The following AGBL4 variants were observed in gnomAD, a reference collection of about 807,000 sequenced individuals.
AGBL4 encodes the protein cytosolic carboxypeptidase 6.
In AGBL4, 58 loss-of-function variants were observed where a neutral mutation model predicts 66.4. The ratio of observed to expected loss-of-function variants is 0.87; its 90% CI spans 0.71 to 1.09. The LOEUF is 1.09. Ranked by LOEUF, AGBL4 falls within the 50% of genes least tolerant of loss-of-function variation. The pLI is 0.00. For missense variants in AGBL4, 579 were observed against 631.0 expected, an observed-to-expected ratio of 0.92 and a Z score of 0.88; for synonymous variants, 234 against 222.9, an observed-to-expected ratio of 1.05 and a Z score of -0.44.
chr1:49,754,809 G>A (rs541245397), intron 2 of AGBL4, among the ~76,000 whole-genome samples: 50 of 152,254 alleles, frequency 3.3e-4, no homozygotes, highest in Non-Finnish European at 5.3e-4. Context: ...TTAAGAAATC[G>A]GTTAAAACAA....
chr1:48,994,467 GTTATC>G (rs1395707509), intron 5 of AGBL4, among the ~76,000 whole-genome samples: 1 of 152,140 alleles, frequency 6.6e-6, no homozygotes, highest in Non-Finnish European at 1.5e-5. Flanking sequence ...GCACAGGCAG[GTTATC>G]TTGTTTGGAG....
chr1:49,688,388 T>C (rs547326715), intron 3 of AGBL4, among the ~76,000 whole-genome samples: 17 of 152,306 alleles, frequency 1.1e-4, no homozygotes, highest in Admixed American at 2.6e-4. Flanking sequence ...GTTCCATCCA[T>C]GTTGTTGCCA....
At chr1:49,924,686 T>G (rs2148248404) in intron 1 of AGBL4, among the ~76,000 whole-genome samples, 1 of 152,262 alleles carries the variant, frequency 6.6e-6, no homozygotes, top group South Asian at 2.1e-4. Context: ...TCCAATTTAA[T>G]CCTCATATCT....
intron 3 of AGBL4, among the ~76,000 whole-genome samples, chr1:49,335,733 T>C (rs1161911231): frequency 6.6e-6 from 1 of 152,086 alleles, no homozygotes; most frequent in Non-Finnish European, 1.5e-5. Flanking sequence ...GTCAGGATGG[T>C]CTCAATCTCC....
At chr1:49,934,541 G>T (rs1653725337) in intron 1 of AGBL4, among the ~76,000 whole-genome samples, 1 of 152,126 alleles carries the variant, frequency 6.6e-6, no homozygotes, top group South Asian at 2.1e-4. Context: ...AAATTCAGCT[G>T]CATGCTTCTG....
Position 49,604,714 on chromosome 1 carries a change from G to T in AGBL4, c.282+92599C>A, listed in dbSNP as rs999079842. Among the ~76,000 whole-genome samples the T allele has an allele frequency of 1.5e-4, 23 of 152,024 alleles. 1 individual carries two copies. The highest frequency in any genetic ancestry group is 5.6e-4 in the African/African-American group (23 of 41,414). On this transcript the variant is annotated intron_variant, in intron 3 of 13. Transcript: ENST00000371839. ...AATGGGTCAGGTCAGGAGGTACATA[G>T]ACTTCTTCCATCTCACTAGTAGTTC...
At chr1:49,763,449 C>T (rs184332454) in intron 2 of AGBL4, among the ~76,000 whole-genome samples, 4 of 152,092 alleles carry the variant, frequency 2.6e-5, no homozygotes, top group South Asian at 2.1e-4. Flanking sequence ...GCATCTCTCA[C>T]GTAGAGGAAA....
chr1:49,537,084 C>G (rs1216513041), intron 3 of AGBL4, among the ~76,000 whole-genome samples: 1 of 151,606 alleles, frequency 6.6e-6, no homozygotes, highest in Admixed American at 6.6e-5. Context: ...GGAAAATTGG[C>G]TACCTATATG....
intron 11 of AGBL4, among the ~76,000 whole-genome samples, chr1:48,552,666 C>G (rs1292927522): frequency 6.6e-6 from 1 of 152,148 alleles, no homozygotes; most frequent in Non-Finnish European, 1.5e-5. Context: ...TCAAACATTG[C>G]CAAACACTCC....
intron 3 of AGBL4, among the ~76,000 whole-genome samples, chr1:49,314,189 G>A (rs999868134): frequency 1.3e-4 from 20 of 151,836 alleles, no homozygotes; most frequent in Non-Finnish European, 2.9e-4. Flanking sequence ...GATGTGTGGC[G>A]TTATTTCTGA....
intron 4 of AGBL4, among the ~76,000 whole-genome samples, chr1:49,213,126 G>T (rs1648803334): frequency 6.6e-6 from 1 of 151,790 alleles, no homozygotes; most frequent in African/African-American, 2.4e-5. Context: ...GGTGGAGAAG[G>T]GTAAATAGAT....
chr1:49,624,741 G>A (rs776533566), intron 3 of AGBL4, among the ~76,000 whole-genome samples: 1 of 152,136 alleles, frequency 6.6e-6, no homozygotes, highest in Admixed American at 6.5e-5. Context: ...AAAAACAGAA[G>A]GAGCCTAAAT....
At chr1:49,916,873 A>G (rs898868488) in intron 1 of AGBL4, among the ~76,000 whole-genome samples, 2 of 152,240 alleles carry the variant, frequency 1.3e-5, no homozygotes, top group African/African-American at 4.8e-5. Context: ...CCATCAGACT[A>G]ACAGCGGATC....
At chr1:49,583,670 A>G (rs936200977) in intron 3 of AGBL4, among the ~76,000 whole-genome samples, 2 of 152,150 alleles carry the variant, frequency 1.3e-5, no homozygotes, top group Non-Finnish European at 2.9e-5. Flanking sequence ...TTGTTCTGTC[A>G]TATGGAAAAC....
At chr1:49,818,802 G>A (rs1029441508) in intron 2 of AGBL4, among the ~76,000 whole-genome samples, 2 of 152,302 alleles carry the variant, frequency 1.3e-5, no homozygotes, top group Non-Finnish European at 2.9e-5. Context: ...ATGTAAGAGC[G>A]TGGAGCTTGT....
chr1:49,084,456 T>C (rs896409757), intron 4 of AGBL4, among the ~76,000 whole-genome samples: 1 of 152,094 alleles, frequency 6.6e-6, no homozygotes, highest in African/African-American at 2.4e-5. Context: ...CAAAGGTACA[T>C]CTTACATTAC....
chr1:49,943,559 C>A (rs1258618214), intron 1 of AGBL4, among the ~76,000 whole-genome samples: 3 of 152,034 alleles, frequency 2.0e-5, no homozygotes, highest in African/African-American at 7.2e-5. Flanking sequence ...TCTAACCTTA[C>A]CTGGAGCTAA....
intron 3 of AGBL4, among the ~76,000 whole-genome samples, chr1:49,269,646 T>C (rs1644010405): frequency 6.6e-6 from 1 of 152,200 alleles, no homozygotes; most frequent in Non-Finnish European, 1.5e-5. Context: ...CCATAAGCTG[T>C]CTTGCCATCA....
intron 11 of AGBL4, among the ~76,000 whole-genome samples, chr1:48,554,693 G>T (rs544768655): frequency 6.6e-6 from 1 of 151,860 alleles, no homozygotes; most frequent in South Asian, 2.1e-4. Flanking sequence ...TGATGACCAC[G>T]GACTATTTTC....
Sources: allele counts gnomAD v4.1 joint callset (sites outside exome capture counted in the v4.1 genomes callset), GRCh38; gene constraint gnomAD v4.1.1; transcripts MANE v1.5; gene names NCBI Gene and HGNC (gene_info 2026-07-23, HGNC 2026-07-21).